Variants in PSG11 observed in about 807,000 individuals in gnomAD.
PSG11 encodes the protein pregnancy specific beta-1-glycoprotein 11, also known as pregnancy-specific beta-1-glycoprotein 11.
A neutral mutation model predicts 36.0 loss-of-function variants in PSG11; 42 were observed. The observed-to-expected ratio is 1.17, with a 90% CI of 0.91 to 1.51. PSG11 has a LOEUF of 1.51. Among genes scored for constraint, PSG11 ranks in the 40% most tolerant of loss-of-function variants. The pLI, the probability that PSG11 is intolerant of heterozygous loss-of-function variation, is 0.00. For missense variants in PSG11, 558 were observed against 403.5 expected (o/e 1.38, Z -3.28); for synonymous variants, 206 against 153.5 (o/e 1.34, Z -2.53).
rs139041739 is a variant in PSG11, at chr19:43,015,912, C to T, written c.710-542G>A. 1,320 of 1,609,886 alleles carry T rather than the reference C, an allele frequency of 8.2e-4. 69 individuals carry two copies. The African/African-American group carries it at 0.016, about 20-fold the overall frequency. ...TGGGTCGCTTTACCCTGGGACTGAC[C>T]GGGAGGCTCTGACAATTTAGCCACC... On this transcript the variant is annotated intron_variant, in intron 3 of 5. Coordinates refer to ENST00000320078, the MANE Select transcript of PSG11 (RefSeq NM_002785.3).
chr19:43,018,954 G>C lies in PSG11; in HGVS notation c.525C>G (p.Asp175Glu). Residue 175 changes from aspartate (D) to glutamate (E), a missense_variant, in exon 3 of 6, where the codon GAC (aspartate) becomes GAG (glutamate). By Grantham distance (45) the Asp-to-Glu change is conservative. Transcript: ENST00000320078. ...CATTCATCCACCACAGGTAGCTTGC[G>C]TCCGGAGTCTCAGGATTACAGGTTA... is the stretch of plus-strand genomic sequence containing the variant. ...VILTCNPETP[D>E]ASYLWWMNGQ... The C allele has an allele frequency of 6.2e-7, 1 of 1,612,078 alleles. No individual in the cohort carries two copies. Among genetic ancestry groups the C allele is most frequent in the Non-Finnish European group, 8.5e-7 (1 of 1,179,136 alleles).
intron 2 of PSG11, among the ~76,000 whole-genome samples, chr19:43,021,198 A>G (rs2122821541): frequency 6.6e-6 from 1 of 151,442 alleles, no homozygotes; most frequent in South Asian, 2.1e-4. Context: ...ATTAAATATG[A>G]AGTTGAATAT....
chr19:43,010,313 T>C, intron 4 of PSG11: 2 of 1,505,712 alleles, frequency 1.3e-6, no homozygotes, highest in South Asian at 1.4e-5. Context: ...TGATTGCTAT[T>C]TTCTATGTCA....
At chr19:43,008,685 G>A (rs1244687071) in intron 5 of PSG11, among the ~76,000 whole-genome samples, 2 of 151,056 alleles carry the variant, frequency 1.3e-5, no homozygotes, top group African/African-American at 4.9e-5. Flanking sequence ...ATAAAATAAG[G>A]TGGCTTTTCC....
At chr19:43,016,227 G>T (rs1357958510) in intron 3 of PSG11, among the ~76,000 whole-genome samples, 2 of 151,264 alleles carry the variant, frequency 1.3e-5, no homozygotes, top group Admixed American at 6.6e-5. Flanking sequence ...CTGTGAGGCC[G>T]CCTGCTTCAT....
At chr19:43,013,875 C>A (rs112887272) in intron 4 of PSG11, among the ~76,000 whole-genome samples, 3,396 of 151,442 alleles carry the variant, frequency 0.022, 256 homozygotes, top group African/African-American at 0.076. Flanking sequence ...ACTGAAAAGT[C>A]CATTGAAAGA....
intron 3 of PSG11, chr19:43,017,704 TG>T (rs1967001166): frequency 6.6e-6 from 1 of 151,422 alleles, no homozygotes; most frequent in Non-Finnish European, 1.5e-5. Flanking sequence ...TGGGTAGTAT[TG>T]TCTTTCTAAC....
At chr19:43,025,100 T>C (rs370190704) in intron 1 of PSG11, 44 bp from the exon 2 acceptor site, 5 of 1,579,282 alleles carry the variant, frequency 3.2e-6, no homozygotes, top group East Asian at 2.2e-5. Context: ...GACCTATGTA[T>C]TGGGGTGAAA....
intron 2 of PSG11, among the ~76,000 whole-genome samples, chr19:43,020,093 A>G (rs893364755): frequency 1.3e-5 from 2 of 151,414 alleles, no homozygotes; most frequent in Non-Finnish European, 2.9e-5. Flanking sequence ...AGGAGCTGGG[A>G]TCAGGGGAAT....
chr19:43,021,650 C>G (rs1967104774), intron 2 of PSG11, among the ~76,000 whole-genome samples: 1 of 151,494 alleles, frequency 6.6e-6, no homozygotes. Context: ...CCAGCCATCT[C>G]AAAGGGATTT....
At chr19:43,010,890 C>CATATATATATATATATATAT (rs10566441) in intron 4 of PSG11, among the ~76,000 whole-genome samples, 7 of 140,448 alleles carry the variant, frequency 5.0e-5, no homozygotes, top group African/African-American at 1.9e-4. Context: ...CCTCTTTTTC[C>CATATATATATATATATATAT]ATATATATAT....
intron 1 of PSG11, among the ~76,000 whole-genome samples, 171 bp downstream of exon 1, chr19:43,026,138 T>C (rs1772032205): frequency 6.7e-6 from 1 of 150,100 alleles, no homozygotes; most frequent in South Asian, 2.1e-4. Context: ...AGACAGGGCT[T>C]CACTCTGTTG....
chr19:43,013,030 G>C (rs1480716436), intron 4 of PSG11, among the ~76,000 whole-genome samples: 1 of 151,338 alleles, frequency 6.6e-6, no homozygotes, highest in Non-Finnish European at 1.5e-5. Flanking sequence ...CAATGGGGAA[G>C]GGACAGTGTT....
chr19:43,016,037 G>C (rs1409692563), intron 3 of PSG11: 2 of 1,609,440 alleles, frequency 1.2e-6, no homozygotes, highest in South Asian at 1.1e-5. Flanking sequence ...TAGGGCATGG[G>C]CAGCTTTGCT....
In PSG11 at chr19:43,018,970, T is replaced by G; in HGVS notation, c.509A>C (p.Asn170Thr). The stretch of plus-strand genomic sequence containing the variant: ...GTAGCTTGCGTCCGGAGTCTCAGGA[T>G]TACAGGTTAAGATCACAGTCTCCAT... ...EAMETVILTC[N>T]PETPDASYLW... The change falls in exon 3 of 6, where the codon AAT becomes ACT. Residue 170 changes from asparagine (N) to threonine (T), a missense_variant. Physicochemically the swap from Asn to Thr is moderately conservative, Grantham distance 65. Coordinates refer to ENST00000320078, the MANE Select transcript of PSG11 (RefSeq NM_002785.3). 2 of 1,612,030 alleles carry G rather than the reference T, an allele frequency of 1.2e-6. No homozygotes were observed. Among genetic ancestry groups the G allele is most frequent in the Non-Finnish European group, 1.7e-6 (2 of 1,179,108 alleles).
At position 43,024,878 on chromosome 19, in the gene PSG11, T is replaced by C; in HGVS notation, c.243A>G (p.Ser81=). The C allele has an allele frequency of 6.2e-7, 1 of 1,611,418 alleles. No homozygotes were observed. Among genetic ancestry groups the C allele is most frequent in the East Asian group, 2.2e-5 (1 of 44,766 alleles). Residue 81 remains serine (S), a synonymous_variant, in exon 2 of 6, where the codon TCA becomes TCG. Coordinates refer to ENST00000320078, the MANE Select transcript of PSG11 (RefSeq NM_002785.3). ...TAATTATTTGACCGTCTACTACATATGATGTAATGTAATGGTAGAGGTCCC... is the reference window on the plus strand; with the variant it reads ...TAATTATTTGACCGTCTACTACATACGATGTAATGTAATGGTAGAGGTCCC... ...QIRDLYHYIT[S]YVVDGQIIIY...
intron 2 of PSG11, among the ~76,000 whole-genome samples, chr19:43,021,559 G>A (rs779509596): frequency 6.6e-6 from 1 of 151,290 alleles, no homozygotes; most frequent in Non-Finnish European, 1.5e-5. Flanking sequence ...AACCATGTTA[G>A]CCAGGATGGT....
Position 43,025,002 on chromosome 19 carries a change from G to A in PSG11, c.119C>T (p.Ala40Val). 1 of 1,611,120 alleles carries A rather than the reference G, an allele frequency of 6.2e-7. No homozygotes were observed. The highest frequency in any genetic ancestry group is 8.5e-7 in the Non-Finnish European group (1 of 1,178,502). Residue 40 changes from alanine to valine, a missense_variant, in exon 2 of 6, where the codon GCC (alanine) becomes GTC (valine). Transcript: ENST00000320078. The stretch of plus-strand genomic sequence containing the variant: ...CCCCTCGGACACTTTGGGTGGCTGG[G>A]CTTCAATCATGACTTGGGCAGTGGT... ...LPTTAQVMIE[A>V]QPPKVSEGKD...
At chr19:43,020,273 A>C (rs1967071672) in intron 2 of PSG11, among the ~76,000 whole-genome samples, 1 of 151,458 alleles carries the variant, frequency 6.6e-6, no homozygotes, top group Non-Finnish European at 1.5e-5. Flanking sequence ...GAATATTTGC[A>C]GTACATGTAC....
Sources: allele counts gnomAD v4.1 joint callset (sites outside exome capture counted in the v4.1 genomes callset), GRCh38; gene constraint gnomAD v4.1.1; transcripts MANE v1.5; gene names NCBI Gene and HGNC (gene_info 2026-07-23, HGNC 2026-07-21).